The following VPS13C variants were observed in gnomAD, a reference collection of about 807,000 sequenced individuals.
VPS13C encodes the protein intermembrane lipid transfer protein VPS13C.
In VPS13C, 358 loss-of-function variants were observed where a neutral mutation model predicts 456.8. The observed-to-expected ratio is 0.78, with a 90% CI of 0.72 to 0.86. The LOEUF (loss-of-function observed/expected upper bound fraction) is 0.86, where lower values mean the gene tolerates loss of function less well. Among genes scored for constraint, VPS13C ranks in the 40% least tolerant of loss-of-function variants. VPS13C has a pLI of 0.00. For synonymous variants in VPS13C, 1,578 were observed against 1,486.7 expected, an observed-to-expected ratio of 1.06 and a Z score of -1.41; for missense variants, 4,818 against 4,385.4, an observed-to-expected ratio of 1.10 and a Z score of -2.79.
intron 3 of VPS13C, among the ~76,000 whole-genome samples, chr15:62,037,461 T>TAATAATAAATTTATTATATTGTAAG (rs1555449702): frequency 1.2e-5 from 1 of 81,746 alleles, no homozygotes; most frequent in Admixed American, 1.9e-4. Context: ...TATATAAATA[T>TAATAATAAATTTATTATATTGTAAG]AATATAATAA....
chr15:61,882,371 G>A (rs1895920086), intron 69 of VPS13C, among the ~76,000 whole-genome samples: 1 of 152,100 alleles, frequency 6.6e-6, no homozygotes, highest in Non-Finnish European at 1.5e-5. Context: ...CAATCTCAGT[G>A]CAAGAAAACC....
At chr15:62,055,182 A>G (rs1258520574) in intron 1 of VPS13C, among the ~76,000 whole-genome samples, 1 of 152,180 alleles carries the variant, frequency 6.6e-6, no homozygotes, top group Non-Finnish European at 1.5e-5. Context: ...CAACATCTAA[A>G]GTATACTTCC....
rs60910951 is a variant in VPS13C, at chr15:61,914,878, TAAA to T, written c.8445+752_8445+754del. 8.3e-4 allele frequency among the ~76,000 whole-genome samples: 85 copies of T among 102,050 alleles called. 5 individuals carry two copies. In the East Asian group the frequency reaches 0.019, roughly 23 times the overall value. 66.9% of individuals were successfully genotyped at this position (102,050 alleles called of 152,430 possible). ...ACCGAGCCTGGCCAAAACTCTGCCTTAAAAAAAAAAAAAAAAAAAAAAAAAAAA... is the reference window on the plus strand; with the variant it reads ...ACCGAGCCTGGCCAAAACTCTGCCTTAAAAAAAAAAAAAAAAAAAAAAAAA... On this transcript the variant is annotated intron_variant, in intron 61 of 84. Coordinates refer to ENST00000644861, the MANE Select transcript of VPS13C (RefSeq NM_020821.3).
intron 82 of VPS13C, among the ~76,000 whole-genome samples, chr15:61,860,220 G>A (rs953053689): frequency 2.0e-5 from 3 of 152,046 alleles, no homozygotes; most frequent in African/African-American, 7.2e-5. Flanking sequence ...AATAGATGAT[G>A]ATATATTAAA....
chr15:61,866,700 C>G, intron 81 of VPS13C: 1 of 985,122 alleles, frequency 1.0e-6, no homozygotes, highest in Non-Finnish European at 1.2e-6. Context: ...TATACTTGGT[C>G]CCTTAAGGAC....
chr15:61,904,562 G>A (rs1279764713), intron 66 of VPS13C, among the ~76,000 whole-genome samples: 5 of 151,026 alleles, frequency 3.3e-5, no homozygotes, highest in African/African-American at 1.2e-4. Flanking sequence ...ATGTAAAGTA[G>A]TAGAGCTACA....
intron 36 of VPS13C, 129 bp downstream of exon 36, chr15:61,959,319 G>T: frequency 4.1e-6 from 3 of 736,006 alleles, no homozygotes; most frequent in South Asian, 6.5e-5. Flanking sequence ...GATCTTGTTG[G>T]ACAAAGTCTC....
intron 67 of VPS13C, 85 bp downstream of exon 67, chr15:61,890,080 G>T: frequency 3.2e-6 from 4 of 1,265,048 alleles, no homozygotes; most frequent in South Asian, 2.7e-5. Flanking sequence ...GTCAAACCAG[G>T]TATCTTTTTA....
rs368719918 is a variant in VPS13C, at chr15:62,002,801, G to C, written c.1291-2175C>G. 1.1e-4 allele frequency among the ~76,000 whole-genome samples: 16 copies of C among 152,206 alleles called. No individual in the cohort carries two copies. In the East Asian group the frequency reaches 1.2e-3, roughly 11 times the overall value. On this transcript the variant is annotated intron_variant, in intron 15 of 84. Coordinates refer to ENST00000644861, the MANE Select transcript of VPS13C (RefSeq NM_020821.3). ...AATCCTTTCCCCATTGCTTGTTTTT[G>C]TCAGGTTTGTCAAAGATCAGATAGT... is the stretch of plus-strand genomic sequence containing the variant.
chr15:61,966,189 A>C (rs189112130), intron 29 of VPS13C, 47 bp from the exon 30 acceptor site: 2 of 1,343,858 alleles, frequency 1.5e-6, no homozygotes, highest in Non-Finnish European at 2.1e-6. Flanking sequence ...GGATCGAAGT[A>C]AATAAATCAC....
intron 16 of VPS13C, among the ~76,000 whole-genome samples, chr15:61,997,083 C>G (rs1320733585): frequency 1.3e-5 from 2 of 150,972 alleles, no homozygotes; most frequent in African/African-American, 4.9e-5. Context: ...AAATTGGTGC[C>G]AAAAAATTAC....
intron 16 of VPS13C, 35 bp downstream of exon 16, chr15:62,000,529 T>C: frequency 6.3e-7 from 1 of 1,588,452 alleles, no homozygotes; most frequent in Non-Finnish European, 8.6e-7. Context: ...CATTAACATG[T>C]TTAAAACATA....
intron 8 of VPS13C, among the ~76,000 whole-genome samples, chr15:62,022,169 G>C (rs1395741360): frequency 1.3e-5 from 2 of 151,834 alleles, no homozygotes; most frequent in East Asian, 3.9e-4. Flanking sequence ...CTTATCCTCT[G>C]GAGATATGTT....
chr15:61,953,288 C>A (rs1472517263), intron 38 of VPS13C, among the ~76,000 whole-genome samples: 2 of 151,210 alleles, frequency 1.3e-5, no homozygotes, highest in African/African-American at 4.9e-5. Flanking sequence ...GTGCACAATG[C>A]GCAGGTTAGT....
In VPS13C at chr15:61,936,650, T is replaced by G. The variant is rs184997917; in HGVS notation, c.5702A>C (p.Glu1901Ala). 1 of 1,611,132 alleles carries G rather than the reference T, an allele frequency of 6.2e-7. No homozygotes were observed. Among genetic ancestry groups the G allele is most frequent in the East Asian group, 2.2e-5 (1 of 44,846 alleles). ...SQPSPTQSVQETVRVRKVDVS... is the reference protein window; with the variant it reads ...SQPSPTQSVQATVRVRKVDVS... ...ATCAACTTTTCTCACTCTTACAGTCTCCTGCACAGACTGTGTAGGGCTTGG... is the reference window on the plus strand; with the variant it reads ...ATCAACTTTTCTCACTCTTACAGTCGCCTGCACAGACTGTGTAGGGCTTGG... The change falls in exon 48 of 85, where the codon GAG becomes GCG. Residue 1901 changes from glutamate (E) to alanine (A), a missense_variant. Transcript: ENST00000644861.
At chr15:62,037,091 A>C (rs2048026216) in intron 3 of VPS13C, among the ~76,000 whole-genome samples, 1 of 146,024 alleles carries the variant, frequency 6.8e-6, no homozygotes, top group African/African-American at 2.5e-5. Context: ...GAAGCCATTA[A>C]ATCTTTGTGT....
chr15:61,974,485 A>T, intron 24 of VPS13C, 68 bp from the exon 25 acceptor site: 1 of 1,532,688 alleles, frequency 6.5e-7, no homozygotes, highest in Non-Finnish European at 8.9e-7. Flanking sequence ...GAATTGCATT[A>T]ATGTAATTAG....
intron 66 of VPS13C, chr15:61,906,761 C>G (rs1373806639): frequency 6.1e-6 from 1 of 165,254 alleles, no homozygotes; most frequent in Non-Finnish European, 1.3e-5. Flanking sequence ...CTTTCAGAGG[C>G]TAAGAGTCTA....
At chr15:62,052,672 C>CAAA (rs35444089) in intron 1 of VPS13C, among the ~76,000 whole-genome samples, 143 of 70,412 alleles carry the variant, frequency 2.0e-3, no homozygotes, top group South Asian at 7.0e-3. Context: ...GACTCCGTCT[C>CAAA]AAAAAAAAAA....
Sources: allele counts gnomAD v4.1 joint callset (sites outside exome capture counted in the v4.1 genomes callset), GRCh38; gene constraint gnomAD v4.1.1; transcripts MANE v1.5; gene names NCBI Gene and HGNC (gene_info 2026-07-23, HGNC 2026-07-21).